The following CSMD1 variants were observed in gnomAD, a reference collection of about 807,000 sequenced individuals.
CSMD1 encodes CUB and Sushi multiple domains 1.
CSMD1 carries 213 observed loss-of-function variants against 417.5 expected under a neutral mutation model. The ratio of observed to expected loss-of-function variants is 0.51; its 90% CI spans 0.46 to 0.57. The LOEUF (loss-of-function observed/expected upper bound fraction) is 0.57, where lower values mean the gene tolerates loss of function less well. Among genes scored for constraint, CSMD1 ranks in the 20% least tolerant of loss-of-function variants. CSMD1 has a pLI of 0.00. For synonymous variants in CSMD1, 2,862 were observed against 1,736.8 expected (o/e 1.65, Z -16.11); for missense variants, 6,923 against 4,529.7 (o/e 1.53, Z -15.17).
chr8:4,428,686 T>C (rs1417392170), intron 2 of CSMD1, among the ~76,000 whole-genome samples: 15 of 152,098 alleles, frequency 9.9e-5, no homozygotes, highest in Non-Finnish European at 2.1e-4. Context: ...ATATTAATAA[T>C]CCAGGGTTCA....
At chr8:3,941,367 T>C (rs1299873424) in intron 5 of CSMD1, among the ~76,000 whole-genome samples, 3 of 152,144 alleles carry the variant, frequency 2.0e-5, no homozygotes, top group Non-Finnish European at 4.4e-5. Context: ...ATGCTGATAA[T>C]AATTTTCAAG....
At chr8:3,033,145 G>C (rs1810455830) in intron 50 of CSMD1, among the ~76,000 whole-genome samples, 1 of 152,010 alleles carries the variant, frequency 6.6e-6, no homozygotes, top group Non-Finnish European at 1.5e-5. Context: ...AGTTCTTTAT[G>C]AATAATCTAT....
At chr8:4,434,079 T>G (rs1252302752) in intron 2 of CSMD1, among the ~76,000 whole-genome samples, 2 of 152,208 alleles carry the variant, frequency 1.3e-5, no homozygotes, top group African/African-American at 4.8e-5. Flanking sequence ...GACTCACGCC[T>G]GTGATCCCAG....
At chr8:4,092,793 A>AT (rs1014147956) in intron 3 of CSMD1, among the ~76,000 whole-genome samples, 38 of 152,216 alleles carry the variant, frequency 2.5e-4, no homozygotes, top group African/African-American at 8.9e-4. Context: ...CATGAAATCT[A>AT]TTTTTTAATA....
intron 26 of CSMD1, among the ~76,000 whole-genome samples, chr8:3,278,212 GT>G (rs1358177877): frequency 6.6e-6 from 1 of 152,170 alleles, no homozygotes; most frequent in Non-Finnish European, 1.5e-5. Context: ...AGTCAAATAA[GT>G]GTTTAAAAAG....
At chr8:3,980,759 T>A (rs71521897) in intron 5 of CSMD1, among the ~76,000 whole-genome samples, 4,179 of 152,326 alleles carry the variant, frequency 0.027, 77 homozygotes, top group South Asian at 0.048. Context: ...AATTTTCATT[T>A]CTGCTGCAGG....
At chr8:4,283,232 C>G (rs1796888106) in intron 3 of CSMD1, among the ~76,000 whole-genome samples, 1 of 152,112 alleles carries the variant, frequency 6.6e-6, no homozygotes, top group South Asian at 2.1e-4. Flanking sequence ...AAAGTATCCA[C>G]TATCCTTTTG....
intron 3 of CSMD1, among the ~76,000 whole-genome samples, chr8:4,413,813 T>G (rs1202793182): frequency 6.6e-6 from 1 of 152,150 alleles, no homozygotes; most frequent in Non-Finnish European, 1.5e-5. Flanking sequence ...TAGAGATAAC[T>G]AAGGTGAGGA....
chr8:3,464,206 G>T (rs62473731), intron 12 of CSMD1, among the ~76,000 whole-genome samples: 1 of 151,928 alleles, frequency 6.6e-6, no homozygotes, highest in South Asian at 2.1e-4. Flanking sequence ...AACTCGAACC[G>T]AATTTTTTTT....
intron 4 of CSMD1, among the ~76,000 whole-genome samples, chr8:4,007,731 G>C (rs755349223): frequency 9.1e-4 from 138 of 151,610 alleles, no homozygotes; most frequent in Admixed American, 7.9e-4. Flanking sequence ...CTTTCCTACA[G>C]TTATATCAGT....
chr8:4,639,076 T>A (rs1001193342), intron 1 of CSMD1, among the ~76,000 whole-genome samples: 5 of 152,086 alleles, frequency 3.3e-5, no homozygotes, highest in African/African-American at 1.2e-4. Context: ...CTAGACAAAC[T>A]GAAATGCCTG....
intron 4 of CSMD1, among the ~76,000 whole-genome samples, chr8:4,026,959 T>G (rs779524909): frequency 5.9e-5 from 9 of 152,116 alleles, no homozygotes; most frequent in Non-Finnish European, 1.3e-4. Context: ...GAAAACCTAC[T>G]TTGCAGTGTT....
chr8:4,303,213 C>T (rs914936978), intron 3 of CSMD1, among the ~76,000 whole-genome samples: 4 of 152,084 alleles, frequency 2.6e-5, no homozygotes, highest in Non-Finnish European at 5.9e-5. Flanking sequence ...CATCTGTTAA[C>T]AGAGGCATCA....
At chr8:3,182,148 A>G (rs1457640837) in intron 36 of CSMD1, among the ~76,000 whole-genome samples, 1 of 152,210 alleles carries the variant, frequency 6.6e-6, no homozygotes, top group African/African-American at 2.4e-5. Context: ...TAACAAAGCA[A>G]AGAAATAAGT....
intron 7 of CSMD1, among the ~76,000 whole-genome samples, chr8:3,696,205 AACAG>A (rs1305439633): frequency 6.6e-6 from 1 of 152,202 alleles, no homozygotes; most frequent in Non-Finnish European, 1.5e-5. Flanking sequence ...ATGCCCTTCA[AACAG>A]ACAGTTCAAA....
intron 8 of CSMD1, among the ~76,000 whole-genome samples, chr8:3,608,940 G>A (rs1194954290): frequency 2.0e-5 from 3 of 152,092 alleles, no homozygotes; most frequent in African/African-American, 7.2e-5. Flanking sequence ...GGAATGCTGA[G>A]CTCAAGGGCA....
chr8:4,649,703 G>A (rs755581181), intron 1 of CSMD1, among the ~76,000 whole-genome samples: 5 of 152,202 alleles, frequency 3.3e-5, no homozygotes, highest in African/African-American at 4.8e-5. Flanking sequence ...AAAATTAAAC[G>A]TTTTTGTGTA....
At chr8:4,690,421 G>A (rs544539327) in intron 1 of CSMD1, among the ~76,000 whole-genome samples, 2 of 152,066 alleles carry the variant, frequency 1.3e-5, no homozygotes, top group Non-Finnish European at 2.9e-5. Context: ...ATATTCAACA[G>A]CCAAAAAAGA....
At chr8:4,265,035 G>A (rs1804152053) in intron 3 of CSMD1, among the ~76,000 whole-genome samples, 2 of 152,114 alleles carry the variant, frequency 1.3e-5, no homozygotes, top group South Asian at 2.1e-4. Context: ...AGTTAATGTT[G>A]CTGAGGTCAG....
Sources: allele counts gnomAD v4.1 joint callset (sites outside exome capture counted in the v4.1 genomes callset), GRCh38; gene constraint gnomAD v4.1.1; transcripts MANE v1.5; gene names NCBI Gene and HGNC (gene_info 2026-07-23, HGNC 2026-07-21).